The following NKAIN2 variants were observed in gnomAD, a reference collection of about 807,000 sequenced individuals.
NKAIN2 encodes sodium/potassium transporting ATPase interacting 2.
A neutral mutation model predicts 32.6 loss-of-function variants in NKAIN2; 14 were observed. That is an observed-to-expected ratio of 0.43 (90% CI 0.28 to 0.67). The LOEUF (loss-of-function observed/expected upper bound fraction) is 0.67. Ranked by LOEUF, NKAIN2 falls within the 30% of genes least tolerant of loss-of-function variation. The probability of loss-of-function intolerance (pLI) is 0.17; values close to 1 mark genes in which losing one functional copy is unlikely to be tolerated. For missense variants in NKAIN2, 198 were observed against 258.3 expected, an observed-to-expected ratio of 0.77 and a Z score of 1.60; for synonymous variants, 80 against 87.2, an observed-to-expected ratio of 0.92 and a Z score of 0.46.
At chr6:124,421,851 C>G (rs369039170) in intron 3 of NKAIN2, among the ~76,000 whole-genome samples, 1 of 152,254 alleles carries the variant, frequency 6.6e-6, no homozygotes, top group East Asian at 1.9e-4. Context: ...TCGCGGGAAA[C>G]GTATGTCCGG....
intron 1 of NKAIN2, among the ~76,000 whole-genome samples, chr6:123,876,689 A>G (rs891882687): frequency 1.3e-5 from 2 of 152,174 alleles, no homozygotes; most frequent in Non-Finnish European, 2.9e-5. Flanking sequence ...TCAAGCAGAG[A>G]GTGAATTGAA....
chr6:124,238,650 G>C (rs959175156), intron 1 of NKAIN2, among the ~76,000 whole-genome samples: 5 of 152,016 alleles, frequency 3.3e-5, no homozygotes, highest in African/African-American at 1.2e-4. Flanking sequence ...TCATCTCATT[G>C]GGACTGGTTA....
At chr6:124,807,130 C>G (rs1228761703) in intron 5 of NKAIN2, among the ~76,000 whole-genome samples, 1 of 151,896 alleles carries the variant, frequency 6.6e-6, no homozygotes, top group Admixed American at 6.6e-5. Flanking sequence ...AGCTCTGCAC[C>G]AAGTGGACCT....
intron 1 of NKAIN2, among the ~76,000 whole-genome samples, chr6:123,805,299 A>G (rs766208489): frequency 6.6e-6 from 1 of 152,248 alleles, no homozygotes; most frequent in Non-Finnish European, 1.5e-5. Context: ...TAAGTGTCCA[A>G]TCAGTAAAGT....
chr6:124,747,964 C>A (rs551673734), intron 4 of NKAIN2, among the ~76,000 whole-genome samples: 1 of 151,658 alleles, frequency 6.6e-6, no homozygotes, highest in East Asian at 2.0e-4. Context: ...TTTTTTTTGC[C>A]AGTCCGTCAC....
At chr6:123,967,708 TAC>T (rs1439089276) in intron 1 of NKAIN2, among the ~76,000 whole-genome samples, 2 of 152,046 alleles carry the variant, frequency 1.3e-5, no homozygotes, top group Non-Finnish European at 2.9e-5. Flanking sequence ...TGTGTATATA[TAC>T]ACATACTCAC....
At chr6:123,998,554 A>G (rs1779732142) in intron 1 of NKAIN2, among the ~76,000 whole-genome samples, 1 of 152,090 alleles carries the variant, frequency 6.6e-6, no homozygotes, top group African/African-American at 2.4e-5. Flanking sequence ...CCTAAAATCA[A>G]GACATCTTTC....
chr6:124,134,079 C>G (rs938203597), intron 1 of NKAIN2, among the ~76,000 whole-genome samples: 1 of 150,686 alleles, frequency 6.6e-6, no homozygotes, highest in Non-Finnish European at 1.5e-5. Flanking sequence ...GACTATTAAG[C>G]TACTTGAGAT....
At chr6:124,292,948 AG>A in intron 2 of NKAIN2, among the ~76,000 whole-genome samples, 1 of 152,266 alleles carries the variant, frequency 6.6e-6, no homozygotes, top group South Asian at 2.1e-4. Flanking sequence ...TGCTTTAAAT[AG>A]GTGCACAAGA....
At chr6:124,367,469 T>C (rs1799572104) in intron 3 of NKAIN2, among the ~76,000 whole-genome samples, 1 of 152,116 alleles carries the variant, frequency 6.6e-6, no homozygotes, top group African/African-American at 2.4e-5. Context: ...CAGCACTCTG[T>C]GGTGGTAGCA....
intron 4 of NKAIN2, among the ~76,000 whole-genome samples, chr6:124,779,829 C>A (rs1201586400): frequency 1.3e-5 from 2 of 152,172 alleles, no homozygotes; most frequent in Admixed American, 1.3e-4. Flanking sequence ...TGAGCCCAAC[C>A]AAATTCAGCA....
At chr6:124,064,015 ATC>A (rs1783039924) in intron 1 of NKAIN2, among the ~76,000 whole-genome samples, 1 of 150,874 alleles carries the variant, frequency 6.6e-6, no homozygotes, top group Admixed American at 6.6e-5. Context: ...CAGTGGTACT[ATC>A]TCAGTTCAAT....
At chr6:124,193,057 C>G (rs1285709010) in intron 1 of NKAIN2, among the ~76,000 whole-genome samples, 1 of 152,114 alleles carries the variant, frequency 6.6e-6, no homozygotes, top group East Asian at 1.9e-4. Flanking sequence ...CCAGTTCTAT[C>G]CATTTTAACT....
At chr6:124,567,695 G>A (rs1480288968) in intron 3 of NKAIN2, among the ~76,000 whole-genome samples, 1 of 152,220 alleles carries the variant, frequency 6.6e-6, no homozygotes, top group African/African-American at 2.4e-5. Flanking sequence ...CTGGATGTTG[G>A]TGATTTAGAC....
At chr6:123,835,614 A>G (rs1272271943) in intron 1 of NKAIN2, among the ~76,000 whole-genome samples, 1 of 152,176 alleles carries the variant, frequency 6.6e-6, no homozygotes, top group Non-Finnish European at 1.5e-5. Context: ...GAGACATCAC[A>G]TTGCATAAAT....
At chr6:123,906,120 T>C (rs1453250038) in intron 1 of NKAIN2, among the ~76,000 whole-genome samples, 1 of 152,206 alleles carries the variant, frequency 6.6e-6, no homozygotes, top group African/African-American at 2.4e-5. Context: ...TTCTCCATTA[T>C]ATAGTAATAA....
chr6:123,969,403 A>G (rs944046285), intron 1 of NKAIN2, among the ~76,000 whole-genome samples: 7 of 152,226 alleles, frequency 4.6e-5, no homozygotes, highest in African/African-American at 1.2e-4. Flanking sequence ...TTAACAATGC[A>G]TCCAGCTGAA....
chr6:124,208,453 AAT>A (rs1791003645), intron 1 of NKAIN2, among the ~76,000 whole-genome samples: 1 of 151,860 alleles, frequency 6.6e-6, no homozygotes, highest in South Asian at 2.1e-4. Context: ...TGAACAATAA[AAT>A]ATATGTTTCT....
intron 3 of NKAIN2, among the ~76,000 whole-genome samples, chr6:124,633,274 T>A (rs1265103798): frequency 6.6e-6 from 1 of 152,164 alleles, no homozygotes; most frequent in Non-Finnish European, 1.5e-5. Context: ...AATAATAATC[T>A]CTACCTCCTA....
Sources: gnomAD v4.1 joint callset for allele counts (sites outside exome capture counted in the v4.1 genomes callset) on GRCh38, gnomAD v4.1.1 for gene constraint, MANE v1.5 for transcripts, NCBI Gene and HGNC (gene_info 2026-07-23, HGNC 2026-07-21) for gene names.